Variants in CCSER1 observed in about 807,000 individuals in gnomAD.
CCSER1 encodes serine-rich coiled-coil domain-containing protein 1.
Under a neutral mutation model 82.0 loss-of-function variants are expected in CCSER1, and 41 were observed. That is an observed-to-expected ratio of 0.50 (90% CI 0.39 to 0.65). The LOEUF (loss-of-function observed/expected upper bound fraction) is 0.65. Ranked by LOEUF, CCSER1 falls within the 30% of genes least tolerant of loss-of-function variation. The pLI, the probability that CCSER1 is intolerant of heterozygous loss-of-function variation, is 0.00. For missense variants in CCSER1, 1,119 were observed against 1,064.2 expected (o/e 1.05, Z -0.72); for synonymous variants, 414 against 383.9 (o/e 1.08, Z -0.92).
intron 1 of CCSER1, among the ~76,000 whole-genome samples, chr4:90,266,769 G>A (rs1433460429): frequency 6.6e-6 from 1 of 151,894 alleles, no homozygotes; most frequent in African/African-American, 2.4e-5. Context: ...CCCATTCCTG[G>A]GGTTGGAACT....
At position 90,278,499 on chromosome 4, in the gene CCSER1, A is replaced by C. The variant is rs574314417; in HGVS notation, c.-41-29745A>C. 2.6e-5 allele frequency among the ~76,000 whole-genome samples: 4 copies of C among 152,298 alleles called. No individual in the cohort carries two copies. In the South Asian group the frequency reaches 8.3e-4, roughly 32 times the overall value. ...CACCATGGAATACTATGCAGCCATA[A>C]AAATAATGAAATCAGTCCTTTGCAG... is the stretch of plus-strand genomic sequence containing the variant. On this transcript the variant is annotated intron_variant, in intron 1 of 10. Transcript: ENST00000509176.
At chr4:90,806,493 T>C (rs1406512047) in intron 7 of CCSER1, among the ~76,000 whole-genome samples, 1 of 152,180 alleles carries the variant, frequency 6.6e-6, no homozygotes, top group Non-Finnish European at 1.5e-5. Flanking sequence ...TGTTAATTGT[T>C]CAACAAAAAC....
intron 3 of CCSER1, among the ~76,000 whole-genome samples, chr4:90,386,851 G>T (rs187327909): frequency 7.0e-4 from 107 of 152,270 alleles, no homozygotes; most frequent in African/African-American, 2.0e-3. Flanking sequence ...TCTTTAGAAA[G>T]ACATTCTCGG....
At chr4:90,980,812 T>G (rs1736044965) in intron 9 of CCSER1, among the ~76,000 whole-genome samples, 1 of 151,776 alleles carries the variant, frequency 6.6e-6, no homozygotes, top group African/African-American at 2.4e-5. Flanking sequence ...CCATTTTGAA[T>G]TCCAGAGCAG....
rs899512017 is a variant in CCSER1, at chr4:91,311,030, G to A, written c.2217+225036G>A. 2.6e-5 allele frequency among the ~76,000 whole-genome samples: 4 copies of A among 151,994 alleles called. No individual in the cohort carries two copies. In the South Asian group the frequency reaches 8.3e-4, roughly 32 times the overall value. ...TGCTTATGTATAACTATTTCTGATTGATTAAACTATTTACTGTAACTATTA... is the reference window on the plus strand; with the variant it reads ...TGCTTATGTATAACTATTTCTGATTAATTAAACTATTTACTGTAACTATTA... On this transcript the variant is annotated intron_variant, in intron 10 of 10. Coordinates refer to ENST00000509176, the MANE Select transcript of CCSER1 (RefSeq NM_001145065.2).
At chr4:90,382,392 A>G (rs1205218768) in intron 3 of CCSER1, among the ~76,000 whole-genome samples, 2 of 152,090 alleles carry the variant, frequency 1.3e-5, no homozygotes, top group Non-Finnish European at 2.9e-5. Flanking sequence ...AGACTAGGAA[A>G]TAGAACTCTA....
chr4:91,325,362 C>T, intron 10 of CCSER1: 1 of 340,434 alleles, frequency 2.9e-6, no homozygotes, highest in Non-Finnish European at 5.7e-6. Context: ...TCTTACTGTT[C>T]ATAAGTATGC....
intron 8 of CCSER1, among the ~76,000 whole-genome samples, chr4:90,903,706 C>T (rs1192119822): frequency 1.3e-5 from 2 of 151,902 alleles, no homozygotes; most frequent in Admixed American, 6.6e-5. Flanking sequence ...GATGCATTGG[C>T]AGGTGCCTGT....
At chr4:90,859,717 G>C (rs1561261570) in intron 8 of CCSER1, among the ~76,000 whole-genome samples, 1 of 151,660 alleles carries the variant, frequency 6.6e-6, no homozygotes, top group Non-Finnish European at 1.5e-5. Context: ...AATAAATAAA[G>C]TTAAGTGTAC....
chr4:90,668,607 T>C (rs1280388514), intron 6 of CCSER1, among the ~76,000 whole-genome samples: 3 of 152,114 alleles, frequency 2.0e-5, no homozygotes, highest in African/African-American at 7.2e-5. Context: ...ATATGAAAAA[T>C]CATATACCAG....
chr4:90,964,513 C>A (rs1052081211), intron 9 of CCSER1, among the ~76,000 whole-genome samples: 1 of 151,292 alleles, frequency 6.6e-6, no homozygotes, highest in Non-Finnish European at 1.5e-5. Context: ...ATCACGAGGT[C>A]AGGAGATCGG....
At chr4:90,960,425 T>G (rs1227064728) in intron 9 of CCSER1, among the ~76,000 whole-genome samples, 1 of 152,186 alleles carries the variant, frequency 6.6e-6, no homozygotes, top group East Asian at 1.9e-4. Flanking sequence ...CAGTCTTTAC[T>G]CATTGCTCCT....
chr4:91,179,278 T>A (rs1733748725), intron 10 of CCSER1, among the ~76,000 whole-genome samples: 1 of 152,190 alleles, frequency 6.6e-6, no homozygotes, highest in African/African-American at 2.4e-5. Context: ...CAGTTATGTG[T>A]CTTGGGGTTA....
chr4:90,777,587 G>C (rs934358366), intron 7 of CCSER1, among the ~76,000 whole-genome samples: 1 of 151,954 alleles, frequency 6.6e-6, no homozygotes, highest in African/African-American at 2.4e-5. Flanking sequence ...ATACTTAACT[G>C]TGTGACTTTG....
intron 8 of CCSER1, among the ~76,000 whole-genome samples, chr4:90,816,431 A>G (rs1759022518): frequency 6.6e-6 from 1 of 152,116 alleles, no homozygotes; most frequent in Non-Finnish European, 1.5e-5. Flanking sequence ...TTCATAATAT[A>G]AAAATACATT....
intron 10 of CCSER1, among the ~76,000 whole-genome samples, chr4:91,551,115 TA>T (rs1193951381): frequency 6.6e-6 from 1 of 152,058 alleles, no homozygotes; most frequent in Non-Finnish European, 1.5e-5. Context: ...ATTTTACTTA[TA>T]TACTATATAT....
At chr4:91,005,288 G>A (rs1561464042) in intron 9 of CCSER1, among the ~76,000 whole-genome samples, 1 of 152,104 alleles carries the variant, frequency 6.6e-6, no homozygotes, top group Non-Finnish European at 1.5e-5. Context: ...TAATGTTACA[G>A]TGTAAATTTG....
intron 10 of CCSER1, among the ~76,000 whole-genome samples, chr4:91,563,097 T>C (rs1762727559): frequency 6.6e-6 from 1 of 151,624 alleles, no homozygotes; most frequent in Non-Finnish European, 1.5e-5. Context: ...TTTTAAGTTC[T>C]ACCAAACATT....
chr4:90,167,924 A>G lies in CCSER1; in HGVS notation c.-42+40093A>G, dbSNP rs1423303394. Among the ~76,000 whole-genome samples, 15 of 152,160 alleles carry G rather than the reference A, an allele frequency of 9.9e-5. No homozygotes were observed. The South Asian group carries it at 2.9e-3, about 29-fold the overall frequency. ...AGTCTTTGCTATTGTGAATGGTGCC[A>G]CGATAAACATACGTGTGCATGTGTC... On this transcript the variant is annotated intron_variant, in intron 1 of 10. Transcript: ENST00000509176.
Sources: gnomAD v4.1 joint callset for allele counts (sites outside exome capture counted in the v4.1 genomes callset) on GRCh38, gnomAD v4.1.1 for gene constraint, MANE v1.5 for transcripts, NCBI Gene and HGNC (gene_info 2026-07-23, HGNC 2026-07-21) for gene names.